Variants in ANKS1B observed in about 807,000 individuals in gnomAD.
The protein encoded by ANKS1B is ankyrin repeat and sterile alpha motif domain-containing protein 1B.
A neutral mutation model predicts 148.3 loss-of-function variants in ANKS1B; 36 were observed. That is an observed-to-expected ratio of 0.24 (90% CI 0.19 to 0.32). The LOEUF is 0.32. Ranked by LOEUF, ANKS1B falls within the 10% of genes least tolerant of loss-of-function variation. The pLI is 1.00. For synonymous variants in ANKS1B, 542 were observed against 560.8 expected, an observed-to-expected ratio of 0.97 and a Z score of 0.47; for missense variants, 1,157 against 1,542.6, an observed-to-expected ratio of 0.75 and a Z score of 4.19.
At chr12:99,179,845 A>C (rs2078910239) in intron 14 of ANKS1B, among the ~76,000 whole-genome samples, 1 of 152,208 alleles carries the variant, frequency 6.6e-6, no homozygotes. Context: ...CTATTATAAT[A>C]TCACTGTGAC....
intron 11 of ANKS1B, among the ~76,000 whole-genome samples, chr12:99,400,614 A>G (rs564823972): frequency 6.9e-6 from 1 of 144,400 alleles, no homozygotes; most frequent in East Asian, 1.9e-4. Flanking sequence ...CCTTCAGAAA[A>G]ACTGCAGTTT....
chr12:99,836,387 T>C (rs1365040414), intron 1 of ANKS1B, among the ~76,000 whole-genome samples: 2 of 152,016 alleles, frequency 1.3e-5, no homozygotes. Context: ...TGCACAATTT[T>C]ACAAAAAGCA....
At chr12:98,980,269 C>G (rs1347451265) in intron 17 of ANKS1B, among the ~76,000 whole-genome samples, 1 of 152,174 alleles carries the variant, frequency 6.6e-6, no homozygotes, top group African/African-American at 2.4e-5. Flanking sequence ...GGCGCAATCT[C>G]GGCTCACTGC....
intron 12 of ANKS1B, among the ~76,000 whole-genome samples, chr12:99,317,462 G>A (rs1378751062): frequency 6.6e-6 from 1 of 152,172 alleles, no homozygotes; most frequent in Non-Finnish European, 1.5e-5. Context: ...TTGGCTCTCT[G>A]TTTGTCTGTG....
At chr12:99,387,595 CAAA>C (rs1320179791) in intron 12 of ANKS1B, among the ~76,000 whole-genome samples, 2 of 145,960 alleles carry the variant, frequency 1.4e-5, no homozygotes, top group African/African-American at 5.0e-5. Flanking sequence ...GACTCTGTCT[CAAA>C]AAAAAAAGAA....
chr12:99,232,570 C>T lies in ANKS1B; in HGVS notation c.2419+11772G>A, dbSNP rs1272750661. On this transcript the variant is annotated intron_variant, in intron 14 of 26. Coordinates refer to ENST00000683438, the MANE Select transcript of ANKS1B (RefSeq NM_001352186.2). ...GCCTCCACTTTACTTAAGTGATCCT[C>T]CATCCCATCAAGAAGATATTCAACC... Among the ~76,000 whole-genome samples the T allele has an allele frequency of 2.6e-5, 4 of 152,300 alleles. No homozygotes were observed. In the East Asian group the frequency reaches 7.7e-4, roughly 29 times the overall value.
At chr12:99,711,939 C>A (rs1027072871) in intron 8 of ANKS1B, among the ~76,000 whole-genome samples, 1 of 152,122 alleles carries the variant, frequency 6.6e-6, no homozygotes, top group Non-Finnish European at 1.5e-5. Context: ...GACATGGAAT[C>A]AAACTAAATG....
At chr12:99,269,439 A>G (rs184604261) in intron 12 of ANKS1B, among the ~76,000 whole-genome samples, 164 of 152,310 alleles carry the variant, frequency 1.1e-3, no homozygotes, top group African/African-American at 3.6e-3. Flanking sequence ...GAATATGTTT[A>G]GCATAAAATT....
intron 9 of ANKS1B, among the ~76,000 whole-genome samples, chr12:99,546,216 A>G (rs146892150): frequency 2.3e-4 from 35 of 152,294 alleles, no homozygotes; most frequent in African/African-American, 7.7e-4. Context: ...AGAAATAGAC[A>G]ATAGAAATAA....
intron 14 of ANKS1B, among the ~76,000 whole-genome samples, chr12:99,218,163 A>G (rs1052075394): frequency 3.9e-5 from 6 of 152,128 alleles, no homozygotes; most frequent in African/African-American, 1.4e-4. Flanking sequence ...GGATGAAAAG[A>G]TGCTCTCCTT....
intron 12 of ANKS1B, among the ~76,000 whole-genome samples, chr12:99,383,780 A>T (rs2093739647): frequency 6.7e-6 from 1 of 150,000 alleles, no homozygotes; most frequent in Non-Finnish European, 1.5e-5. Context: ...TGGGAGGCTG[A>T]GGCAAGTAAA....
chr12:99,218,757 T>A (rs777811691), intron 14 of ANKS1B, among the ~76,000 whole-genome samples: 1 of 152,142 alleles, frequency 6.6e-6, no homozygotes, highest in Non-Finnish European at 1.5e-5. Flanking sequence ...CCTCACAGAG[T>A]ATTCATGAGG....
intron 1 of ANKS1B, among the ~76,000 whole-genome samples, chr12:99,880,256 C>G (rs2092393830): frequency 6.6e-6 from 1 of 152,138 alleles, no homozygotes; most frequent in African/African-American, 2.4e-5. Context: ...GAAAACAATA[C>G]TATGAGGTAG....
At chr12:99,043,752 T>C (rs1202943060) in intron 17 of ANKS1B, among the ~76,000 whole-genome samples, 2 of 152,200 alleles carry the variant, frequency 1.3e-5, no homozygotes. Context: ...TTACTTCTCT[T>C]CTCTAGCATC....
intron 4 of ANKS1B, among the ~76,000 whole-genome samples, chr12:99,804,729 G>A (rs1294905250): frequency 6.6e-6 from 1 of 152,162 alleles, no homozygotes; most frequent in Non-Finnish European, 1.5e-5. Context: ...TTCTAATACA[G>A]AGGTAGACTC....
chr12:99,055,724 G>GGC lies in ANKS1B; in HGVS notation c.2626-2416_2626-2415insGC, dbSNP rs1555196694. On this transcript the variant is annotated intron_variant, in intron 16 of 26. Transcript: ENST00000683438. ...TCCCTTAGGGGAAGTCTAAACTTGG[G>GGC]GGGGGGGGAGGTGGTGAGGAAAATA... Among the ~76,000 whole-genome samples the GGC allele has an allele frequency of 6.9e-3, 584 of 84,766 alleles. 23 individuals carry two copies. In the East Asian group the frequency reaches 0.17, roughly 25 times the overall value. The allele number at this position is 84,766 out of a possible 152,430, so 55.6% of individuals were successfully genotyped here.
intron 17 of ANKS1B, among the ~76,000 whole-genome samples, chr12:98,939,638 A>C (rs1354696603): frequency 6.6e-6 from 1 of 152,178 alleles, no homozygotes; most frequent in Admixed American, 6.5e-5. Flanking sequence ...CTTCTTTTAA[A>C]TTCTGGTTGA....
At chr12:99,415,813 A>G (rs1343973687) in intron 11 of ANKS1B, among the ~76,000 whole-genome samples, 1 of 151,992 alleles carries the variant, frequency 6.6e-6, no homozygotes, top group Non-Finnish European at 1.5e-5. Flanking sequence ...CCTCCTAAGT[A>G]GCTGGGACTA....
At chr12:98,792,707 G>C (rs779228688) in intron 22 of ANKS1B, among the ~76,000 whole-genome samples, 2 of 152,106 alleles carry the variant, frequency 1.3e-5, no homozygotes, top group Non-Finnish European at 2.9e-5. Context: ...TGTGGTATTT[G>C]TCTTTCTGTG....
Sources: allele counts gnomAD v4.1 joint callset (sites outside exome capture counted in the v4.1 genomes callset), GRCh38; gene constraint gnomAD v4.1.1; transcripts MANE v1.5; gene names NCBI Gene and HGNC (gene_info 2026-07-23, HGNC 2026-07-21).